PRKN: variants seen among roughly 807,000 people sequenced by gnomAD.
The protein encoded by PRKN is parkin RBR E3 ubiquitin protein ligase.
Under a neutral mutation model 59.5 loss-of-function variants are expected in PRKN, and 56 were observed. The ratio of observed to expected loss-of-function variants is 0.94; its 90% CI spans 0.76 to 1.18. The LOEUF is 1.18. Ranked by LOEUF, PRKN falls within the 50% of genes most tolerant of loss-of-function variation. The probability of loss-of-function intolerance (pLI) is 0.00; values close to 1 mark genes in which losing one functional copy is unlikely to be tolerated. For missense variants in PRKN, 657 were observed against 596.4 expected (o/e 1.10, Z -1.06); for synonymous variants, 250 against 222.1 (o/e 1.13, Z -1.12).
chr6:161,748,810 T>C (rs771870584), intron 7 of PRKN, among the ~76,000 whole-genome samples: 10 of 152,206 alleles, frequency 6.6e-5, no homozygotes, highest in Non-Finnish European at 1.3e-4. Flanking sequence ...GCTTTAGCTG[T>C]TGAGAATTGA....
intron 1 of PRKN, among the ~76,000 whole-genome samples, chr6:162,701,887 C>CA (rs1584078183): frequency 0.012 from 1,185 of 99,182 alleles, 22 homozygotes; most frequent in African/African-American, 0.039. Flanking sequence ...ACACACACAC[C>CA]CCCCCGACAA....
At chr6:162,625,971 C>A (rs1782869683) in intron 1 of PRKN, among the ~76,000 whole-genome samples, 1 of 152,118 alleles carries the variant, frequency 6.6e-6, no homozygotes, top group Non-Finnish European at 1.5e-5. Context: ...TTCAGGCAGA[C>A]CTTGACTTAC....
At chr6:162,633,157 G>A (rs1489574996) in intron 1 of PRKN, among the ~76,000 whole-genome samples, 1 of 151,686 alleles carries the variant, frequency 6.6e-6, no homozygotes, top group African/African-American at 2.4e-5. Flanking sequence ...AATGTAGGCC[G>A]GGTGCGGTGG....
At chr6:161,828,673 C>A (rs1562321601) in intron 6 of PRKN, among the ~76,000 whole-genome samples, 1 of 152,152 alleles carries the variant, frequency 6.6e-6, no homozygotes, top group Non-Finnish European at 1.5e-5. Flanking sequence ...TCTCTCAGCA[C>A]TCTGGGAGGC....
At chr6:162,223,326 T>C (rs1778016671) in intron 3 of PRKN, among the ~76,000 whole-genome samples, 1 of 151,976 alleles carries the variant, frequency 6.6e-6, no homozygotes, top group African/African-American at 2.4e-5. Context: ...GGAGGGCACT[T>C]TAAGAATTTC....
chr6:161,351,966 A>G (rs1360364430), intron 11 of PRKN, among the ~76,000 whole-genome samples: 1 of 152,198 alleles, frequency 6.6e-6, no homozygotes, highest in Non-Finnish European at 1.5e-5. Flanking sequence ...CATAGACTCC[A>G]TGAGTTTCTG....
At chr6:161,890,057 G>C (rs962669984) in intron 6 of PRKN, among the ~76,000 whole-genome samples, 2 of 152,116 alleles carry the variant, frequency 1.3e-5, no homozygotes, top group African/African-American at 4.8e-5. Context: ...AACAGGTCTC[G>C]TATCAGCTCT....
chr6:162,352,200 C>G (rs2128131420), intron 2 of PRKN, among the ~76,000 whole-genome samples: 1 of 152,280 alleles, frequency 6.6e-6, no homozygotes, highest in African/African-American at 2.4e-5. Flanking sequence ...TTGGCAATAT[C>G]TGGAAGATCT....
intron 5 of PRKN, among the ~76,000 whole-genome samples, chr6:162,004,441 A>G (rs774290197): frequency 6.6e-6 from 1 of 152,088 alleles, no homozygotes; most frequent in Non-Finnish European, 1.5e-5. Flanking sequence ...TCTCTTTTCT[A>G]TATTTCTTTA....
At chr6:162,503,925 G>C (rs778058387) in intron 1 of PRKN, among the ~76,000 whole-genome samples, 4 of 152,138 alleles carry the variant, frequency 2.6e-5, no homozygotes, top group Non-Finnish European at 5.9e-5. Flanking sequence ...AAAGAAATCT[G>C]AATTATTTTT....
chr6:161,477,924 G>A (rs143832572), intron 9 of PRKN, among the ~76,000 whole-genome samples: 189 of 152,224 alleles, frequency 1.2e-3, no homozygotes, highest in African/African-American at 4.2e-3. Context: ...AGGAAAGAGC[G>A]GCATGAAAAG....
At chr6:162,119,247 T>C (rs1455645195) in intron 4 of PRKN, among the ~76,000 whole-genome samples, 1 of 152,148 alleles carries the variant, frequency 6.6e-6, no homozygotes, top group East Asian at 1.9e-4. Flanking sequence ...AAGTGCTCGG[T>C]AATCCTGCAA....
intron 1 of PRKN, among the ~76,000 whole-genome samples, chr6:162,639,719 A>G (rs1320915576): frequency 6.6e-6 from 1 of 152,074 alleles, no homozygotes; most frequent in African/African-American, 2.4e-5. Flanking sequence ...CTGATATTCT[A>G]CCCCTTATGA....
chr6:161,978,636 C>T (rs1463698609), intron 5 of PRKN, among the ~76,000 whole-genome samples: 1 of 152,240 alleles, frequency 6.6e-6, no homozygotes, highest in East Asian at 1.9e-4. Flanking sequence ...GACAGGAAAG[C>T]TTTCTAGCTG....
chr6:161,861,719 T>C (rs989360391), intron 6 of PRKN, among the ~76,000 whole-genome samples: 1 of 151,998 alleles, frequency 6.6e-6, no homozygotes, highest in Non-Finnish European at 1.5e-5. Context: ...TTGAAATGTC[T>C]CACAATCTGT....
chr6:161,772,883 G>T (rs903463374), intron 7 of PRKN, among the ~76,000 whole-genome samples: 1 of 152,062 alleles, frequency 6.6e-6, no homozygotes, highest in African/African-American at 2.4e-5. Flanking sequence ...ATATTCAGAG[G>T]TTCAGGACTA....
intron 7 of PRKN, among the ~76,000 whole-genome samples, chr6:161,713,144 A>C (rs926459379): frequency 9.9e-5 from 15 of 152,146 alleles, no homozygotes; most frequent in African/African-American, 3.4e-4. Context: ...TCATGAAAAC[A>C]CTTATATTTA....
chr6:162,650,369 G>A (rs1187348493), intron 1 of PRKN, among the ~76,000 whole-genome samples: 2 of 151,694 alleles, frequency 1.3e-5, no homozygotes, highest in African/African-American at 2.4e-5. Flanking sequence ...AGGCCGAGGC[G>A]GGCGGATCAC....
chr6:162,082,480 T>C (rs979053858), intron 4 of PRKN, among the ~76,000 whole-genome samples: 2 of 152,116 alleles, frequency 1.3e-5, no homozygotes, highest in Non-Finnish European at 2.9e-5. Flanking sequence ...ACTACTAAAA[T>C]TTCCTTCATA....
Sources: allele counts gnomAD v4.1 joint callset (sites outside exome capture counted in the v4.1 genomes callset), GRCh38; gene constraint gnomAD v4.1.1; transcripts MANE v1.5; gene names NCBI Gene and HGNC (gene_info 2026-07-23, HGNC 2026-07-21).